The following SOBP variants were observed in gnomAD, a reference collection of about 807,000 sequenced individuals.
SOBP encodes sine oculis-binding protein homolog.
In SOBP, 4 loss-of-function variants were observed where a neutral mutation model predicts 53.6. That is an observed-to-expected ratio of 0.07 (90% CI 0.04 to 0.17). SOBP has a LOEUF of 0.17. SOBP is among the 10% of genes least tolerant of loss of function. The pLI, the probability that SOBP is intolerant of heterozygous loss-of-function variation, is 1.00. For missense variants in SOBP, 1,088 were observed against 1,204.7 expected (o/e 0.90, Z 1.43); for synonymous variants, 584 against 522.6 (o/e 1.12, Z -1.60).
intron 4 of SOBP, among the ~76,000 whole-genome samples, chr6:107,576,816 C>T (rs553018670): frequency 6.6e-6 from 1 of 152,162 alleles, no homozygotes; most frequent in African/African-American, 2.4e-5. Flanking sequence ...CCTGGTTATA[C>T]CCATACCCTG....
chr6:107,567,920 T>C (rs1784964329), intron 4 of SOBP, among the ~76,000 whole-genome samples: 1 of 152,204 alleles, frequency 6.6e-6, no homozygotes, highest in African/African-American at 2.4e-5. Flanking sequence ...AGCTCCACCT[T>C]TTCTGGCTCC....
At chr6:107,618,992 G>A (rs116152586) in intron 5 of SOBP, among the ~76,000 whole-genome samples, 6 of 152,258 alleles carry the variant, frequency 3.9e-5, no homozygotes, top group South Asian at 4.2e-4. Flanking sequence ...GAGCAGGGGC[G>A]GGGGAGCACT....
At chr6:107,535,658 A>T (rs1405144192) in intron 4 of SOBP, among the ~76,000 whole-genome samples, 1 of 150,498 alleles carries the variant, frequency 6.6e-6, no homozygotes, top group Non-Finnish European at 1.5e-5. Context: ...TTCCAAATAG[A>T]GAAATAAACT....
chr6:107,635,571 G>A lies in SOBP; in HGVS notation c.*3+102G>A, dbSNP rs966857134. The A allele has an allele frequency of 7.9e-6, 12 of 1,516,366 alleles. No homozygotes were observed. The highest frequency in any genetic ancestry group is 9.0e-6 in the Non-Finnish European group (10 of 1,107,316). 93.9% of individuals were successfully genotyped at this position (1,516,366 alleles called of 1,614,324 possible). A position where few individuals can be genotyped will look rare whatever the true frequency, so the allele number is the denominator to read the frequency against. ...TTGTAATTATAGTCATGATTTTACC[G>A]TGTGTGTTTTATATTGCACACGGTG... On this transcript the variant is annotated intron_variant, in intron 6 of 6. Transcript: ENST00000317357. The surrounding 1 kb of genome is among the most constrained non-coding windows in gnomAD (Gnocchi z 4.5).
intron 6 of SOBP, among the ~76,000 whole-genome samples, chr6:107,640,308 A>C (rs1562122062): frequency 6.6e-6 from 1 of 152,246 alleles, no homozygotes; most frequent in Non-Finnish European, 1.5e-5. Context: ...TGAGAGTGAC[A>C]AAAGGAAATC....
chr6:107,541,312 GT>G (rs1768656126), intron 4 of SOBP, among the ~76,000 whole-genome samples: 1 of 152,198 alleles, frequency 6.6e-6, no homozygotes, highest in African/African-American at 2.4e-5. Context: ...TTGGAGGCAT[GT>G]AGGATAATTC....
intron 3 of SOBP, among the ~76,000 whole-genome samples, chr6:107,522,197 C>G (rs1259296908): frequency 6.6e-6 from 1 of 152,130 alleles, no homozygotes; most frequent in African/African-American, 2.4e-5. Flanking sequence ...AGAAAGCAGA[C>G]AGGTGTGAGG....
At chr6:107,600,141 A>G (rs1348973978) in intron 5 of SOBP, among the ~76,000 whole-genome samples, 1 of 152,130 alleles carries the variant, frequency 6.6e-6, no homozygotes, top group African/African-American at 2.4e-5. Context: ...TAATATACCT[A>G]TTTTGTCTAA....
In SOBP at chr6:107,634,663, A is replaced by G. The variant is rs1770913131; in HGVS notation, c.1819A>G (p.Ser607Gly). ...CCCCGGCTGCTCGGGCCAGGCCCTGAGCCTGGCGCCCACGCCCGCCGAGCA... is the reference window on the plus strand; with the variant it reads ...CCCCGGCTGCTCGGGCCAGGCCCTGGGCCTGGCGCCCACGCCCGCCGAGCA... The part of the protein sequence containing the change: ...SPPGCSGQAL[S>G]LAPTPAEHGR... The change falls in exon 6 of 7, where the codon AGC becomes GGC. Residue 607 changes from serine (S) to glycine (G), a missense_variant. Physicochemically the swap from Ser to Gly is moderately conservative, Grantham distance 56. Around this residue, in one of 6 missense-constraint regions of SOBP, gnomAD observed 665 missense variants for 629.7 expected, o/e 1.06. Transcript: ENST00000317357. The surrounding 1 kb of genome is among the most constrained non-coding windows in gnomAD (Gnocchi z 4.5). The G allele has an allele frequency of 2.6e-6, 4 of 1,550,420 alleles. No individual in the cohort carries two copies. The highest frequency in any genetic ancestry group is 3.5e-6 in the Non-Finnish European group (4 of 1,154,534).
chr6:107,504,249 C>T (rs948960893), intron 2 of SOBP, among the ~76,000 whole-genome samples: 1 of 152,222 alleles, frequency 6.6e-6, no homozygotes, highest in African/African-American at 2.4e-5. Context: ...GAAATCTAAA[C>T]GGAATTACTA....
chr6:107,535,613 TTGTGTGTGTG>T (rs561695029), intron 4 of SOBP, among the ~76,000 whole-genome samples: 4 of 148,006 alleles, frequency 2.7e-5, no homozygotes, highest in African/African-American at 1.0e-4. Context: ...CTATGCCTTC[TTGTGTGTGTG>T]TGTGTGTGTG....
intron 3 of SOBP, among the ~76,000 whole-genome samples, chr6:107,508,432 A>G (rs1783058503): frequency 6.6e-6 from 1 of 152,118 alleles, no homozygotes; most frequent in Admixed American, 6.5e-5. Flanking sequence ...TGCAAAAATT[A>G]GCCAGGCGTG....
At chr6:107,506,098 G>A (rs756369467) in intron 2 of SOBP, 144 bp from the exon 3 acceptor site, 3 of 713,794 alleles carry the variant, frequency 4.2e-6, no homozygotes, top group East Asian at 2.7e-5. Context: ...TGGATGAACT[G>A]TGGAGTTCTA....
intron 6 of SOBP, among the ~76,000 whole-genome samples, chr6:107,649,318 C>A (rs1771701231): frequency 6.6e-6 from 1 of 151,720 alleles, no homozygotes; most frequent in Non-Finnish European, 1.5e-5. Context: ...CCCATTTCTA[C>A]AAAAAATCAG....
Position 107,634,786 on chromosome 6 carries a change from G to C in SOBP, c.1942G>C (p.Gly648Arg). 5.0e-6 allele frequency: 7 copies of C among 1,395,728 alleles called. No individual in the cohort carries two copies. Among genetic ancestry groups the C allele is most frequent in the Non-Finnish European group, 6.5e-6 (7 of 1,072,796 alleles). 86.5% of individuals were successfully genotyped at this position (1,395,728 alleles called of 1,614,324 possible). A position where few individuals can be genotyped will look rare whatever the true frequency, so the allele number is the denominator to read the frequency against. Reference protein sequence around the residue: ...GQLGFPGVLQGPQDGVIDLTV... With the variant: ...GQLGFPGVLQRPQDGVIDLTV... ...GCTCGGCTTCCCAGGCGTGCTGCAG[G>C]GCCCGCAGGACGGCGTCATCGACCT... is the stretch of plus-strand genomic sequence containing the variant. The change falls in exon 6 of 7, where the codon GGC (glycine) becomes CGC (arginine). Residue 648 changes from glycine (G) to arginine (R), a missense_variant. Gly to Arg is a moderately radical substitution (Grantham distance 125). This residue lies in a region of SOBP where 665 missense variants were observed against 629.7 expected (regional missense o/e 1.06). Coordinates refer to ENST00000317357, the MANE Select transcript of SOBP (RefSeq NM_018013.4). This position sits in a 1 kb window ranked among gnomAD's most constrained non-coding sequence, Gnocchi z 4.5.
chr6:107,502,046 G>C (rs1383605239), intron 1 of SOBP, among the ~76,000 whole-genome samples: 1 of 152,154 alleles, frequency 6.6e-6, no homozygotes, highest in Admixed American at 6.5e-5. Context: ...CAGAGCTTAC[G>C]TGGGTACTAA....
chr6:107,490,572 G>C lies in SOBP; in HGVS notation c.-45G>C, dbSNP rs533473490. The C allele has an allele frequency of 7.5e-6, 11 of 1,463,246 alleles. No individual in the cohort carries two copies. The South Asian group carries it at 1.2e-4, about 16-fold the overall frequency. The allele number at this position is 1,463,246 out of a possible 1,614,324, so 90.6% of individuals were successfully genotyped here. ...CGCCGCCGCCACCACCACCGCCGGC[G>C]GCGGCAGCAGCCATTTCATCTCCAC... is the stretch of plus-strand genomic sequence containing the variant. On this transcript the variant is annotated 5_prime_UTR_variant, in exon 1 of 7. Coordinates refer to ENST00000317357, the MANE Select transcript of SOBP (RefSeq NM_018013.4).
At chr6:107,549,408 G>C (rs1402704328) in intron 4 of SOBP, among the ~76,000 whole-genome samples, 3 of 150,680 alleles carry the variant, frequency 2.0e-5, no homozygotes, top group Non-Finnish European at 4.4e-5. Context: ...ATTGATTATA[G>C]AAGCTTAAAT....
intron 3 of SOBP, among the ~76,000 whole-genome samples, chr6:107,525,734 T>A (rs1280476657): frequency 1.3e-5 from 2 of 152,208 alleles, no homozygotes; most frequent in Non-Finnish European, 2.9e-5. Context: ...CTGCAGCCAT[T>A]TATTCATCTG....
Sources: gnomAD v4.1 joint callset for allele counts (sites outside exome capture counted in the v4.1 genomes callset) on GRCh38, gnomAD v4.1.1 for gene constraint, gnomAD v4.1.1 regional missense constraint, Gnocchi (gnomAD v3.1) non-coding constraint, MANE v1.5 for transcripts, NCBI Gene and HGNC (gene_info 2026-07-23, HGNC 2026-07-21) for gene names.